TBP: variants seen among roughly 807,000 people sequenced by gnomAD.
The protein encoded by TBP is TATA-box binding protein, also known as TATA-box-binding protein.
Under a neutral mutation model 46.2 loss-of-function variants are expected in TBP, and 12 were observed. The ratio of observed to expected loss-of-function variants is 0.26; its 90% CI spans 0.17 to 0.42. The LOEUF is 0.42. Among genes scored for constraint, TBP ranks in the 10% least tolerant of loss-of-function variants. The pLI is 1.00. For synonymous variants in TBP, 157 were observed against 148.3 expected (o/e 1.06, Z -0.42); for missense variants, 229 against 403.1 (o/e 0.57, Z 3.70).
At chr6:170,563,925 C>T (rs868431541) in intron 3 of TBP, among the ~76,000 whole-genome samples, 30 of 151,902 alleles carry the variant, frequency 2.0e-4, no homozygotes, top group African/African-American at 6.3e-4. Context: ...ATAAGTTATT[C>T]GTTAAGTGAT....
Position 170,561,958 on chromosome 6 carries a change from ACAGCAGCAGCAGCAGCAGCAGCAGCAG to A in TBP, c.255_281del (p.Gln87_Gln95del), listed in dbSNP as rs752404282. ...AGCAGCAGCAGCAGCAGCAACAGCA[ACAGCAGCAGCAGCAGCAGCAGCAGCAG>A]CAGCAGCAGCAGCAGCAGCAGCAGC... On this transcript the variant is annotated inframe_deletion, in exon 3 of 8. Transcript: ENST00000392092. The A allele has an allele frequency of 1.1e-3, 1,499 of 1,405,038 alleles. 6 individuals are homozygous for A. The highest frequency in any genetic ancestry group is 1.3e-3 in the Non-Finnish European group (1,353 of 1,005,464). 87.0% of individuals were successfully genotyped at this position (1,405,038 alleles called of 1,614,324 possible).
intron 2 of TBP, among the ~76,000 whole-genome samples, chr6:170,560,478 G>A (rs923329052): frequency 2.6e-5 from 4 of 152,200 alleles, no homozygotes; most frequent in Non-Finnish European, 5.9e-5. Context: ...AAGGAAGCAG[G>A]GAGGGACATA....
At chr6:170,556,380 A>G (rs1427249006) in intron 1 of TBP, among the ~76,000 whole-genome samples, 1 of 148,948 alleles carries the variant, frequency 6.7e-6, no homozygotes, top group African/African-American at 2.5e-5. Flanking sequence ...TTTTTTTAAC[A>G]GTTTCATTAC....
Position 170,572,296 on chromosome 6 carries a change from C to T in TBP, c.*31C>T. ...CTCATGTACCCTTGCCTCCCCCACC[C>T]CCTTCTTTTTTTTTTTTTAAACAAA... On this transcript the variant is annotated 3_prime_UTR_variant, in exon 8 of 8. Transcript: ENST00000392092. 2 of 1,531,358 alleles carry T rather than the reference C, an allele frequency of 1.3e-6. No homozygotes were observed. Among genetic ancestry groups the T allele is most frequent in the South Asian group, 2.4e-5 (2 of 83,852 alleles). The allele number at this position is 1,531,358 out of a possible 1,614,324, so 94.9% of individuals were successfully genotyped here. A position where few individuals can be genotyped will look rare whatever the true frequency, so the allele number is the denominator to read the frequency against.
intron 3 of TBP, among the ~76,000 whole-genome samples, chr6:170,563,456 T>C (rs952230393): frequency 2.0e-5 from 3 of 152,198 alleles, no homozygotes; most frequent in African/African-American, 7.2e-5. Flanking sequence ...TAAGAATACA[T>C]TTAACAATTA....
intron 6 of TBP, among the ~76,000 whole-genome samples, chr6:170,570,168 G>A (rs7746898): frequency 0.011 from 1,636 of 152,248 alleles, 40 homozygotes; most frequent in African/African-American, 0.037. Flanking sequence ...GAAGTTGAGC[G>A]ATAGGAACAA....
chr6:170,564,896 C>G (rs538606927), intron 4 of TBP, among the ~76,000 whole-genome samples: 75 of 151,942 alleles, frequency 4.9e-4, no homozygotes, highest in Non-Finnish European at 9.1e-4. Flanking sequence ...GTGGCTCACA[C>G]GTGTAATCCC....
At chr6:170,557,918 A>C (rs1240448425) in intron 2 of TBP, among the ~76,000 whole-genome samples, 1 of 152,076 alleles carries the variant, frequency 6.6e-6, no homozygotes, top group East Asian at 1.9e-4. Flanking sequence ...TAACTACTGC[A>C]TCTGCTTTTC....
rs111229737 is a variant in TBP at position 170,568,810 on chromosome 6, C to T, written c.678-802C>T. ...TTTTTTTCTCTTCTTTCTTTCTTTCCTTTTCTTTTTTTTTTTTTTTTTTTT... is the reference window on the plus strand; with the variant it reads ...TTTTTTTCTCTTCTTTCTTTCTTTCTTTTTCTTTTTTTTTTTTTTTTTTTT... On this transcript the variant is annotated intron_variant, in intron 5 of 7. Coordinates refer to ENST00000392092, the MANE Select transcript of TBP (RefSeq NM_003194.5). Among the ~76,000 whole-genome samples the T allele has an allele frequency of 1.5e-3, 39 of 26,076 alleles. 5 individuals are homozygous for T. Among genetic ancestry groups the T allele is most frequent in the African/African-American group, 3.9e-3 (12 of 3,044 alleles). The allele number at this position is 26,076 out of a possible 152,430, so 17.1% of individuals were successfully genotyped here.
At chr6:170,557,735 CA>C (rs35269766) in intron 2 of TBP, among the ~76,000 whole-genome samples, 1,636 of 51,834 alleles carry the variant, frequency 0.032, 7 homozygotes, top group African/African-American at 0.11. Context: ...GACTCTGTCT[CA>C]AAAAAAAAAA....
chr6:170,571,969 C>G (rs1440685717), intron 7 of TBP, among the ~76,000 whole-genome samples: 1 of 151,736 alleles, frequency 6.6e-6, no homozygotes, highest in African/African-American at 2.4e-5. Context: ...GAATGAGACG[C>G]TGGAGTCACT....
intron 6 of TBP, among the ~76,000 whole-genome samples, chr6:170,570,131 A>G (rs1160951594): frequency 1.3e-5 from 2 of 152,160 alleles, no homozygotes; most frequent in African/African-American, 4.8e-5. Context: ...TTTAGTCAAC[A>G]TTGTGTCAGA....
intron 7 of TBP, among the ~76,000 whole-genome samples, chr6:170,571,875 G>A (rs938596434): frequency 3.3e-5 from 5 of 151,874 alleles, no homozygotes; most frequent in African/African-American, 1.2e-4. Context: ...AGAAGATTCA[G>A]TTGTTATCAT....
intron 3 of TBP, among the ~76,000 whole-genome samples, chr6:170,562,765 AG>A (rs1433743220): frequency 6.6e-6 from 1 of 152,216 alleles, no homozygotes; most frequent in African/African-American, 2.4e-5. Flanking sequence ...ACAGTGTAGT[AG>A]GGGTAGGAAA....
At chr6:170,570,787 C>T (rs550848111) in intron 6 of TBP, among the ~76,000 whole-genome samples, 10 of 152,006 alleles carry the variant, frequency 6.6e-5, no homozygotes, top group East Asian at 5.8e-4. Context: ...GAGCCAAGAT[C>T]GTGCCACTGT....
At chr6:170,557,114 G>A in intron 2 of TBP, 31 bp downstream of exon 2, 2 of 1,600,808 alleles carry the variant, frequency 1.2e-6, no homozygotes, top group African/African-American at 1.3e-5. Context: ...GAATAGGGAG[G>A]GCGGAAATCT....
intron 2 of TBP, among the ~76,000 whole-genome samples, chr6:170,558,139 A>G (rs183638228): frequency 6.6e-6 from 1 of 152,202 alleles, no homozygotes; most frequent in Non-Finnish European, 1.5e-5. Flanking sequence ...TCCAGTTTGG[A>G]GCTATTGCGA....
rs376588487 is a variant in TBP at position 170,567,036 on chromosome 6, G to A, written c.677+27G>A. The A allele has an allele frequency of 5.7e-6, 9 of 1,590,178 alleles. No individual in the cohort carries two copies. The Admixed American group carries it at 8.5e-5, about 15-fold the overall frequency. On this transcript the variant is annotated intron_variant, in intron 5 of 7. Coordinates refer to ENST00000392092, the MANE Select transcript of TBP (RefSeq NM_003194.5). Reference sequence around the variant, plus strand: ...TAGCCGTAAGAAATTCATTCTTCTGGTCTATGGGTTATGAATGAAAAGGTG... The same window carrying A: ...TAGCCGTAAGAAATTCATTCTTCTGATCTATGGGTTATGAATGAAAAGGTG...
chr6:170,571,649 G>T, intron 7 of TBP, 145 bp downstream of exon 7: 1 of 652,896 alleles, frequency 1.5e-6, no homozygotes, highest in South Asian at 1.9e-5. Context: ...GATGAGAAAC[G>T]TGCCCACTAA....
Sources: gnomAD v4.1 joint callset for allele counts (sites outside exome capture counted in the v4.1 genomes callset) on GRCh38, gnomAD v4.1.1 for gene constraint, MANE v1.5 for transcripts, NCBI Gene and HGNC (gene_info 2026-07-23, HGNC 2026-07-21) for gene names.